The following KCNQ5 variants were observed in gnomAD, a reference collection of about 807,000 sequenced individuals.
The protein encoded by KCNQ5 is potassium voltage-gated channel subfamily KQT member 5.
A neutral mutation model predicts 98.2 loss-of-function variants in KCNQ5; 30 were observed. That is an observed-to-expected ratio of 0.31 (90% CI 0.23 to 0.41). KCNQ5 has a LOEUF of 0.41. KCNQ5 is among the 10% of genes least tolerant of loss of function. KCNQ5 has a pLI of 1.00. For synonymous variants in KCNQ5, 458 were observed against 449.4 expected, an observed-to-expected ratio of 1.02 and a Z score of -0.24; for missense variants, 835 against 1,182.5, an observed-to-expected ratio of 0.71 and a Z score of 4.31.
At chr6:73,149,832 GAGGAAGGA>G (rs571571935) in intron 10 of KCNQ5, among the ~76,000 whole-genome samples, 1 of 141,150 alleles carries the variant, frequency 7.1e-6, no homozygotes, top group South Asian at 2.1e-4. Context: ...GAGAGGGAGG[GAGGAAGGA>G]AGGAAGGAAG....
At chr6:73,044,666 C>A (rs1451464032) in intron 3 of KCNQ5, among the ~76,000 whole-genome samples, 2 of 152,162 alleles carry the variant, frequency 1.3e-5, no homozygotes, top group Non-Finnish European at 2.9e-5. Context: ...GCCCGTTCAA[C>A]AGGTTCATAA....
chr6:72,878,903 T>C (rs1778526242), intron 1 of KCNQ5, among the ~76,000 whole-genome samples: 1 of 152,224 alleles, frequency 6.6e-6, no homozygotes. Flanking sequence ...CTTTGTATAA[T>C]TAGATGTGAT....
intron 1 of KCNQ5, among the ~76,000 whole-genome samples, chr6:72,734,232 T>G (rs1770704911): frequency 6.6e-6 from 1 of 152,264 alleles, no homozygotes; most frequent in Non-Finnish European, 1.5e-5. Context: ...TGAAAAATGT[T>G]ATTTAATTGA....
intron 10 of KCNQ5, among the ~76,000 whole-genome samples, chr6:73,137,742 C>A (rs1039006443): frequency 4.6e-5 from 7 of 152,066 alleles, no homozygotes; most frequent in African/African-American, 1.7e-4. Flanking sequence ...GTAACTTGCC[C>A]AAGGTCTAGC....
chr6:72,893,340 A>T (rs1252693175), intron 1 of KCNQ5, among the ~76,000 whole-genome samples: 1 of 152,172 alleles, frequency 6.6e-6, no homozygotes, highest in Non-Finnish European at 1.5e-5. Context: ...TAAGGCTATC[A>T]AAAAGAGGAG....
At chr6:72,623,071 G>A (rs1234997789) in intron 1 of KCNQ5, among the ~76,000 whole-genome samples, 1 of 152,082 alleles carries the variant, frequency 6.6e-6, no homozygotes, top group African/African-American at 2.4e-5. Context: ...CCTAGGGGCG[G>A]AGTAGGGGAA....
intron 10 of KCNQ5, among the ~76,000 whole-genome samples, chr6:73,150,350 ATTG>A (rs1326464967): frequency 3.3e-5 from 5 of 151,318 alleles, no homozygotes; most frequent in Non-Finnish European, 7.4e-5. Flanking sequence ...GCCCAGAGAA[ATTG>A]TTATGTTCCC....
intron 11 of KCNQ5, among the ~76,000 whole-genome samples, chr6:73,175,821 C>T (rs1393829522): frequency 2.6e-5 from 4 of 152,056 alleles, no homozygotes. Context: ...ACTACAGTGA[C>T]AGGACGGTTT....
At chr6:72,823,613 G>T (rs1340355205) in intron 1 of KCNQ5, among the ~76,000 whole-genome samples, 1 of 152,168 alleles carries the variant, frequency 6.6e-6, no homozygotes, top group Non-Finnish European at 1.5e-5. Context: ...CCTGCAAGTT[G>T]TTGGCAGGCT....
At chr6:73,153,102 CCT>C (rs1233170437) in intron 10 of KCNQ5, among the ~76,000 whole-genome samples, 4 of 152,084 alleles carry the variant, frequency 2.6e-5, no homozygotes, top group East Asian at 1.9e-4. Context: ...TTAGTTATCC[CCT>C]CTTTATGCTT....
At chr6:72,761,019 C>G (rs1293227913) in intron 1 of KCNQ5, among the ~76,000 whole-genome samples, 2 of 151,982 alleles carry the variant, frequency 1.3e-5, no homozygotes, top group African/African-American at 2.4e-5. Flanking sequence ...TTTACATTTT[C>G]TCATTTTGGG....
At chr6:72,821,134 A>G (rs1246674195) in intron 1 of KCNQ5, among the ~76,000 whole-genome samples, 1 of 152,218 alleles carries the variant, frequency 6.6e-6, no homozygotes, top group African/African-American at 2.4e-5. Context: ...AGTAAACCAC[A>G]AGGGACAGAT....
intron 1 of KCNQ5, among the ~76,000 whole-genome samples, chr6:72,874,460 C>G (rs1390335168): frequency 6.6e-6 from 1 of 152,076 alleles, no homozygotes; most frequent in Non-Finnish European, 1.5e-5. Flanking sequence ...GTTTAACAAT[C>G]ATACAATGAG....
intron 1 of KCNQ5, among the ~76,000 whole-genome samples, chr6:72,683,277 G>A (rs540376268): frequency 6.6e-6 from 1 of 152,032 alleles, no homozygotes; most frequent in East Asian, 1.9e-4. Flanking sequence ...GTCAGAGGAG[G>A]GAGAAATCAG....
At chr6:73,181,099 TACCCAGAGTTTC>T in intron 11 of KCNQ5, among the ~76,000 whole-genome samples, 1 of 152,232 alleles carries the variant, frequency 6.6e-6, no homozygotes. Context: ...AGATGTCGTC[TACCCAGAGTTTC>T]ACTTTGCTTT....
intron 1 of KCNQ5, among the ~76,000 whole-genome samples, chr6:72,814,403 A>G (rs1352247776): frequency 6.6e-6 from 1 of 152,158 alleles, no homozygotes; most frequent in East Asian, 1.9e-4. Flanking sequence ...TCATCTGTAA[A>G]ATGAGGGTTA....
At chr6:72,743,248 A>G (rs1771220576) in intron 1 of KCNQ5, among the ~76,000 whole-genome samples, 1 of 152,086 alleles carries the variant, frequency 6.6e-6, no homozygotes, top group Middle Eastern at 3.4e-3. Flanking sequence ...GCATTAATAA[A>G]TAGGCTTTAG....
At chr6:73,137,511 C>T (rs1210834982) in intron 10 of KCNQ5, among the ~76,000 whole-genome samples, 2 of 152,004 alleles carry the variant, frequency 1.3e-5, no homozygotes, top group African/African-American at 2.4e-5. Flanking sequence ...GTATGTAACC[C>T]TCTTCACATA....
At chr6:72,873,012 G>A (rs1778275243) in intron 1 of KCNQ5, among the ~76,000 whole-genome samples, 1 of 152,066 alleles carries the variant, frequency 6.6e-6, no homozygotes, top group Admixed American at 6.6e-5. Flanking sequence ...AGAAATGAGA[G>A]TGCTCACATT....
Sources: allele counts gnomAD v4.1 joint callset (sites outside exome capture counted in the v4.1 genomes callset), GRCh38; gene constraint gnomAD v4.1.1; transcripts MANE v1.5; gene names NCBI Gene and HGNC (gene_info 2026-07-23, HGNC 2026-07-21).